Variants in GLIS3 observed in about 807,000 individuals in gnomAD.
GLIS3 encodes the protein GLIS family zinc finger 3.
Under a neutral mutation model 78.6 loss-of-function variants are expected in GLIS3, and 53 were observed. The ratio of observed to expected loss-of-function variants is 0.67; its 90% confidence interval spans 0.54 to 0.85. The LOEUF (loss-of-function observed/expected upper bound fraction) is 0.85, where lower values mean the gene tolerates loss of function less well. Ranked by LOEUF, GLIS3 falls within the 40% of genes least tolerant of loss-of-function variation. The pLI, the probability that GLIS3 is intolerant of heterozygous loss-of-function variation, is 0.00. For synonymous variants in GLIS3, 684 were observed against 509.9 expected, an observed-to-expected ratio of 1.34 and a Z score of -4.60; for missense variants, 1,703 against 1,231.1, an observed-to-expected ratio of 1.38 and a Z score of -5.74.
intron 2 of GLIS3, among the ~76,000 whole-genome samples, chr9:4,176,770 C>G (rs1816846479): frequency 6.6e-6 from 1 of 152,172 alleles, no homozygotes; most frequent in Non-Finnish European, 1.5e-5. Context: ...ATAAAAGACA[C>G]CTGCGACCAC....
At chr9:4,246,951 C>G (rs903115701) in intron 2 of GLIS3, among the ~76,000 whole-genome samples, 6 of 152,210 alleles carry the variant, frequency 3.9e-5, no homozygotes, top group African/African-American at 1.4e-4. Flanking sequence ...ATCAAGCCAG[C>G]TCACAGCTAG....
At chr9:4,022,254 G>C (rs546615885) in intron 4 of GLIS3, among the ~76,000 whole-genome samples, 1 of 152,168 alleles carries the variant, frequency 6.6e-6, no homozygotes, top group Non-Finnish European at 1.5e-5. Context: ...GCATGGCTAG[G>C]AAATGCTACA....
At chr9:3,966,799 C>T (rs926663633) in intron 4 of GLIS3, among the ~76,000 whole-genome samples, 1 of 151,012 alleles carries the variant, frequency 6.6e-6, no homozygotes, top group African/African-American at 2.4e-5. Flanking sequence ...AACAAAAAAC[C>T]CTTAAAACAA....
intron 2 of GLIS3, among the ~76,000 whole-genome samples, chr9:4,265,500 G>A (rs559375838): frequency 6.6e-6 from 1 of 152,076 alleles, no homozygotes; most frequent in Non-Finnish European, 1.5e-5. Flanking sequence ...CCACTATGCT[G>A]TGCTATATAC....
the GLIS3 span, among the ~76,000 whole-genome samples, chr9:4,466,284 C>G: frequency 6.6e-6 from 1 of 152,110 alleles, no homozygotes; most frequent in Non-Finnish European, 1.5e-5. Context: ...CTGCCCAATA[C>G]CAATAAAAGA....
At chr9:3,933,181 CTTT>C (rs934917469) in intron 5 of GLIS3, among the ~76,000 whole-genome samples, 1 of 144,848 alleles carries the variant, frequency 6.9e-6, no homozygotes, top group African/African-American at 2.5e-5. Flanking sequence ...AGTCTAGCCT[CTTT>C]TTTTTTTTTA....
At chr9:4,152,475 G>C (rs1325812142) in intron 2 of GLIS3, among the ~76,000 whole-genome samples, 1 of 152,108 alleles carries the variant, frequency 6.6e-6, no homozygotes, top group East Asian at 1.9e-4. Context: ...TTCCATTCTA[G>C]GAGCCTACAC....
At chr9:4,263,237 A>G (rs1401095864) in intron 2 of GLIS3, among the ~76,000 whole-genome samples, 1 of 152,160 alleles carries the variant, frequency 6.6e-6, no homozygotes, top group African/African-American at 2.4e-5. Flanking sequence ...TATTCTGCAG[A>G]CTCTGGGACA....
intron 4 of GLIS3, among the ~76,000 whole-genome samples, chr9:4,077,675 C>T (rs1169869930): frequency 6.6e-6 from 1 of 152,078 alleles, no homozygotes; most frequent in Non-Finnish European, 1.5e-5. Flanking sequence ...TCCCTGTCGG[C>T]CTCTACCAAC....
At chr9:4,350,596 G>A (rs536314322), upstream of GLIS3, among the ~76,000 whole-genome samples, 4 of 152,044 alleles carry the variant, frequency 2.6e-5, no homozygotes, top group Admixed American at 6.5e-5. Context: ...ATTTTGGGGT[G>A]GGGATAAGGA....
At chr9:4,114,224 C>G (rs750008056) in intron 4 of GLIS3, among the ~76,000 whole-genome samples, 5 of 152,150 alleles carry the variant, frequency 3.3e-5, no homozygotes, top group Non-Finnish European at 7.3e-5. Flanking sequence ...TCAGAACACA[C>G]TTACTGGGCA....
intron 2 of GLIS3, among the ~76,000 whole-genome samples, chr9:4,187,020 C>G (rs1490680442): frequency 6.6e-6 from 1 of 152,128 alleles, no homozygotes; most frequent in African/African-American, 2.4e-5. Flanking sequence ...TTTGTCAATT[C>G]TGGCTTTTGT....
chr9:4,142,141 C>G (rs967298042), intron 2 of GLIS3, among the ~76,000 whole-genome samples: 1 of 152,084 alleles, frequency 6.6e-6, no homozygotes, highest in Non-Finnish European at 1.5e-5. Flanking sequence ...AAAAAGCAAC[C>G]ATAATACATA....
chr9:3,855,943 T>A (rs773108340), intron 9 of GLIS3, 66 bp downstream of exon 9: 1 of 1,549,074 alleles, frequency 6.5e-7, no homozygotes, highest in Non-Finnish European at 8.9e-7. Flanking sequence ...GACAGGTAAC[T>A]AAGATGAAAA....
chr9:4,298,991 A>G (rs996343115), intron 1 of GLIS3, among the ~76,000 whole-genome samples: 21 of 152,190 alleles, frequency 1.4e-4, no homozygotes, highest in African/African-American at 1.4e-4. Context: ...CCACTTCGCC[A>G]AAGTTTCCCT....
chr9:4,379,168 T>C, the GLIS3 span, among the ~76,000 whole-genome samples: 108 of 152,284 alleles, frequency 7.1e-4, no homozygotes, highest in East Asian at 0.019. Flanking sequence ...GTACCATTTC[T>C]GTACATAAGG....
At chr9:3,955,794 T>C (rs886467256) in intron 4 of GLIS3, among the ~76,000 whole-genome samples, 6 of 152,080 alleles carry the variant, frequency 3.9e-5, no homozygotes, top group African/African-American at 1.4e-4. Flanking sequence ...GACTGAATAA[T>C]ACACAAAGCT....
chr9:4,250,651 T>C (rs1824282888), intron 2 of GLIS3, among the ~76,000 whole-genome samples: 1 of 152,222 alleles, frequency 6.6e-6, no homozygotes, highest in Non-Finnish European at 1.5e-5. Context: ...TGTCTGCTGC[T>C]AGTTTTTGAA....
At chr9:4,084,863 A>G (rs1828889921) in intron 4 of GLIS3, among the ~76,000 whole-genome samples, 1 of 151,996 alleles carries the variant, frequency 6.6e-6, no homozygotes, top group African/African-American at 2.4e-5. Context: ...ATCTTCCAAA[A>G]TGCTTGGCAT....
Sources: gnomAD v4.1 joint callset for allele counts (sites outside exome capture counted in the v4.1 genomes callset) on GRCh38, gnomAD v4.1.1 for gene constraint, MANE v1.5 for transcripts, NCBI Gene and HGNC (gene_info 2026-07-23, HGNC 2026-07-21) for gene names.